The following RCL1 variants were observed in gnomAD, a reference collection of about 807,000 sequenced individuals.
RCL1 encodes the protein RNA terminal phosphate cyclase like 1.
Under a neutral mutation model 42.4 loss-of-function variants are expected in RCL1, and 24 were observed. That is an observed-to-expected ratio of 0.57 (90% CI 0.41 to 0.80). The LOEUF (loss-of-function observed/expected upper bound fraction) is 0.80, where lower values mean the gene tolerates loss of function less well. Among genes scored for constraint, RCL1 ranks in the 30% least tolerant of loss-of-function variants. RCL1 has a pLI of 0.00. For missense variants in RCL1, 578 were observed against 467.9 expected (o/e 1.24, Z -2.17); for synonymous variants, 228 against 177.3 (o/e 1.29, Z -2.27).
rs57980387 is a variant in RCL1, at chr9:4,860,917, G to GT, written c.*647dup. The GT allele has an allele frequency of 0.63, 95,089 of 151,980 alleles. 30,194 individuals carry two copies. The highest frequency in any genetic ancestry group is 0.71 in the African/African-American group (29,605 of 41,440). 9.4% of individuals were successfully genotyped at this position (151,980 alleles called of 1,614,324 possible). A position where few individuals can be genotyped will look rare whatever the true frequency, so the allele number is the denominator to read the frequency against. On this transcript the variant is annotated 3_prime_UTR_variant, in exon 9 of 9. Transcript: ENST00000381750. ...GGGGCTCCAAGTAAGTTATTGGGAT[G>GT]TTTTTATATTCCAGGTGTGCTGTAC...
At chr9:4,846,713 ATAGACCT>A (rs1363323411) in intron 7 of RCL1, among the ~76,000 whole-genome samples, 5 of 152,024 alleles carry the variant, frequency 3.3e-5, no homozygotes, top group Non-Finnish European at 7.4e-5. Context: ...TGTCTTTCTA[ATAGACCT>A]TGGGAGAATT....
At chr9:4,799,116 C>T (rs1280505205) in intron 1 of RCL1, among the ~76,000 whole-genome samples, 1 of 135,830 alleles carries the variant, frequency 7.4e-6, no homozygotes, top group East Asian at 2.4e-4. Context: ...CTCTTTTTCT[C>T]CCTCCCTTCC....
intron 7 of RCL1, among the ~76,000 whole-genome samples, chr9:4,846,642 G>A (rs295256): frequency 0.88 from 134,166 of 152,086 alleles, 59,277 homozygotes; most frequent in East Asian, 1. Context: ...TCCTGGTCCT[G>A]TAGTGTCTGG....
At position 4,834,259 on chromosome 9, in the gene RCL1, G is replaced by T. The variant is rs1376670016; in HGVS notation, c.578G>T (p.Gly193Val). 6.2e-7 allele frequency: 1 copy of T among 1,611,972 alleles called. No individual in the cohort carries two copies. ...CCAGGAAAAATCAAACGTATTAGAGGAATGGCGTATCCTTTCCATTTATTT... is the reference window on the plus strand; with the variant it reads ...CCAGGAAAAATCAAACGTATTAGAGTAATGGCGTATCCTTTCCATTTATTT... The part of the protein sequence containing the change: ...TDPGKIKRIR[G>V]MAYSVRVSPQ... The change falls in exon 5 of 9, where the codon GGA becomes GTA. Residue 193 changes from glycine to valine, a missense_variant. Transcript: ENST00000381750.
intron 1 of RCL1, among the ~76,000 whole-genome samples, chr9:4,815,859 G>C (rs1016650068): frequency 5.6e-4 from 85 of 152,122 alleles, no homozygotes; most frequent in African/African-American, 2.0e-3. Context: ...GTATTGATAG[G>C]GATCGCTAGG....
intron 3 of RCL1, among the ~76,000 whole-genome samples, chr9:4,828,452 C>T (rs1201220934): frequency 1.3e-5 from 2 of 151,984 alleles, no homozygotes; most frequent in Non-Finnish European, 2.9e-5. Flanking sequence ...GCTGCATAAA[C>T]TCTTTTCCCT....
At chr9:4,794,302 G>C (rs554589567) in intron 1 of RCL1, among the ~76,000 whole-genome samples, 1 of 152,184 alleles carries the variant, frequency 6.6e-6, no homozygotes, top group Non-Finnish European at 1.5e-5. Context: ...TGCTATTGAC[G>C]GAGATAGGTT....
chr9:4,857,086 G>T (rs1187291357), intron 8 of RCL1, among the ~76,000 whole-genome samples: 1 of 152,170 alleles, frequency 6.6e-6, no homozygotes, highest in Non-Finnish European at 1.5e-5. Context: ...ATTTTAAAAA[G>T]CTTTATTGAG....
chr9:4,831,299 G>T (rs560209260), intron 3 of RCL1, among the ~76,000 whole-genome samples: 2 of 152,208 alleles, frequency 1.3e-5, no homozygotes, highest in East Asian at 3.8e-4. Context: ...AAGGAATGCT[G>T]TGTTTTTTCA....
intron 1 of RCL1, among the ~76,000 whole-genome samples, chr9:4,793,993 G>A (rs1842874867): frequency 6.6e-6 from 1 of 152,186 alleles, no homozygotes; most frequent in Non-Finnish European, 1.5e-5. Flanking sequence ...AAATGGCGCC[G>A]GTTTTCAACT....
At chr9:4,827,354 TG>T (rs1816797581) in intron 3 of RCL1, 3 of 1,011,702 alleles carry the variant, frequency 3.0e-6, no homozygotes, top group African/African-American at 3.3e-5. Flanking sequence ...GTGGAGTTTT[TG>T]TAAGATCCTG....
chr9:4,821,649 T>C (rs990293124), intron 1 of RCL1, among the ~76,000 whole-genome samples: 1 of 152,138 alleles, frequency 6.6e-6, no homozygotes, highest in Non-Finnish European at 1.5e-5. Context: ...GACTCATTTT[T>C]TTTTTTCCCC....
intron 5 of RCL1, among the ~76,000 whole-genome samples, chr9:4,840,573 A>T (rs1049537970): frequency 7.2e-5 from 11 of 152,200 alleles, no homozygotes; most frequent in African/African-American, 2.7e-4. Flanking sequence ...GCTAATTATC[A>T]ATATTTTAAC....
intron 8 of RCL1, among the ~76,000 whole-genome samples, chr9:4,855,562 T>C (rs1252926728): frequency 6.6e-6 from 1 of 152,180 alleles, no homozygotes; most frequent in African/African-American, 2.4e-5. Flanking sequence ...TGCATGTAGA[T>C]ACAGGACGAG....
chr9:4,848,522 G>A (rs943002910), intron 7 of RCL1, among the ~76,000 whole-genome samples: 1 of 152,220 alleles, frequency 6.6e-6, no homozygotes, highest in Non-Finnish European at 1.5e-5. Context: ...GCCTTGGATA[G>A]TAACGTGCCT....
intron 1 of RCL1, among the ~76,000 whole-genome samples, chr9:4,814,746 G>A (rs1239705593): frequency 6.6e-6 from 1 of 152,064 alleles, no homozygotes; most frequent in Non-Finnish European, 1.5e-5. Flanking sequence ...TTTCATGGTA[G>A]TGATTATCAT....
At chr9:4,808,794 G>A (rs10815084) in intron 1 of RCL1, among the ~76,000 whole-genome samples, 47,307 of 151,834 alleles carry the variant, frequency 0.31, 7,617 homozygotes, top group South Asian at 0.41. Context: ...AGGGTAATGT[G>A]GATTCTCATA....
rs771030264 is a variant in RCL1, at chr9:4,833,168, G to C, written c.399G>C (p.Lys133Asn). The change falls in exon 4 of 9, where the codon AAG becomes AAC. Residue 133 changes from lysine to asparagine, a missense_variant. Lys to Asn is a moderately conservative substitution (Grantham distance 94). Transcript: ENST00000381750. The stretch of plus-strand genomic sequence containing the variant: ...TAATTTCATAGGTTGATGTTCTTAA[G>C]GCAACAGCACTCCCTTTGTTGAAAC... ...DQVDPSVDVL[K>N]ATALPLLKQF... The C allele has an allele frequency of 3.7e-6, 6 of 1,611,054 alleles. No homozygotes were observed. In the African/African-American group the frequency reaches 4.0e-5, roughly 11 times the overall value.
intron 1 of RCL1, among the ~76,000 whole-genome samples, chr9:4,801,575 A>C (rs1041352481): frequency 1.3e-5 from 2 of 152,104 alleles, no homozygotes; most frequent in Admixed American, 6.6e-5. Flanking sequence ...TTGTCTTCTT[A>C]TTATCTTAAT....
Sources: allele counts gnomAD v4.1 joint callset (sites outside exome capture counted in the v4.1 genomes callset), GRCh38; gene constraint gnomAD v4.1.1; transcripts MANE v1.5; gene names NCBI Gene and HGNC (gene_info 2026-07-23, HGNC 2026-07-21).